The following GALNT1 variants were observed in gnomAD, a reference collection of about 807,000 sequenced individuals.
GALNT1 encodes GalNAc transferase 1.
GALNT1 carries 17 observed loss-of-function variants against 65.7 expected under a neutral mutation model. That is an observed-to-expected ratio of 0.26 (90% confidence interval 0.18 to 0.39). The LOEUF is 0.39. Ranked by LOEUF, GALNT1 falls within the 10% of genes least tolerant of loss-of-function variation. GALNT1 has a pLI of 1.00. For synonymous variants in GALNT1, 210 were observed against 219.7 expected (o/e 0.96, Z 0.39); for missense variants, 460 against 672.8 (o/e 0.68, Z 3.50).
At chr18:35,589,334 C>T (rs374578321) in intron 1 of GALNT1, among the ~76,000 whole-genome samples, 46 of 152,202 alleles carry the variant, frequency 3.0e-4, no homozygotes, top group East Asian at 7.7e-4. Flanking sequence ...TATTATAACC[C>T]GGGGAGTACG....
chr18:35,618,035 C>CTTTTTT (rs35456192), intron 1 of GALNT1, among the ~76,000 whole-genome samples: 1 of 138,758 alleles, frequency 7.2e-6, no homozygotes, highest in Non-Finnish European at 1.6e-5. Flanking sequence ...CTTTGCTGTT[C>CTTTTTT]TTTTTTTTTT....
chr18:35,673,953 A>G (rs941751170), intron 3 of GALNT1, among the ~76,000 whole-genome samples: 2 of 152,200 alleles, frequency 1.3e-5, no homozygotes, highest in African/African-American at 4.8e-5. Flanking sequence ...CACCTAGGCT[A>G]TATGGTATAG....
chr18:35,667,255 C>T (rs2144490165), intron 3 of GALNT1, among the ~76,000 whole-genome samples: 1 of 152,256 alleles, frequency 6.6e-6, no homozygotes, highest in African/African-American at 2.4e-5. Flanking sequence ...TCATGTTGGT[C>T]TTTTACTCTT....
chr18:35,594,370 T>C (rs1026842056), intron 1 of GALNT1, among the ~76,000 whole-genome samples: 2 of 152,096 alleles, frequency 1.3e-5, no homozygotes, highest in African/African-American at 2.4e-5. Flanking sequence ...GATTTCTCTG[T>C]AGAGAGGCAA....
chr18:35,673,872 TA>T (rs2144542536), intron 3 of GALNT1, among the ~76,000 whole-genome samples: 1 of 152,354 alleles, frequency 6.6e-6, no homozygotes, highest in South Asian at 2.1e-4. Context: ...AATAGGTCAT[TA>T]GACAATTTTG....
intron 3 of GALNT1, among the ~76,000 whole-genome samples, chr18:35,665,830 A>G (rs1013587482): frequency 2.6e-5 from 4 of 152,256 alleles, no homozygotes; most frequent in African/African-American, 7.2e-5. Flanking sequence ...CCAAGCATCC[A>G]TTCTCAGGAA....
chr18:35,703,528 A>G lies in GALNT1; in HGVS notation c.1418A>G (p.Asn473Ser). 6.2e-7 allele frequency: 1 copy of G among 1,613,798 alleles called. No individual in the cohort carries two copies. The highest frequency in any genetic ancestry group is 1.3e-5 in the African/African-American group (1 of 75,036). Residue 473 changes from asparagine (N) to serine (S), a missense_variant, in exon 11 of 12, where the codon AAC (asparagine) becomes AGC (serine). Physicochemically the swap from Asn to Ser is conservative, Grantham distance 46 (BLOSUM62 1). Transcript: ENST00000269195. ...TTCCAGGTTTTCTCTTATACTGCCA[A>G]CAAAGAAATTAGAACAGATGACCTT... ...GGNQVFSYTA[N>S]KEIRTDDLCL...
chr18:35,594,806 T>C (rs2046485606), intron 1 of GALNT1, among the ~76,000 whole-genome samples: 1 of 152,100 alleles, frequency 6.6e-6, no homozygotes, highest in South Asian at 2.1e-4. Flanking sequence ...CAGGAGACCA[T>C]GATGGTGGTG....
chr18:35,677,098 A>G (rs964786890), intron 3 of GALNT1, among the ~76,000 whole-genome samples: 3 of 152,160 alleles, frequency 2.0e-5, no homozygotes, highest in Admixed American at 6.5e-5. Context: ...TCATCTGTGA[A>G]ATGTGGCTCC....
chr18:35,687,464 C>A (rs1225934988), intron 6 of GALNT1, among the ~76,000 whole-genome samples: 1 of 152,098 alleles, frequency 6.6e-6, no homozygotes, highest in African/African-American at 2.4e-5. Flanking sequence ...GCAAATGCGT[C>A]AGATCTGTAC....
At chr18:35,699,467 A>G (rs1012280772) in intron 9 of GALNT1, among the ~76,000 whole-genome samples, 2 of 152,202 alleles carry the variant, frequency 1.3e-5, no homozygotes, top group African/African-American at 4.8e-5. Context: ...TCTTTCCAGG[A>G]TAGTCAAGAG....
intron 5 of GALNT1, among the ~76,000 whole-genome samples, chr18:35,684,955 C>CAAA (rs2047844908): frequency 6.6e-6 from 1 of 152,118 alleles, no homozygotes; most frequent in Admixed American, 6.6e-5. Context: ...TAGTATAAAG[C>CAAA]AAGAATGAAA....
intron 1 of GALNT1, among the ~76,000 whole-genome samples, chr18:35,607,118 C>A (rs1598782631): frequency 6.6e-6 from 1 of 152,228 alleles, no homozygotes; most frequent in Non-Finnish European, 1.5e-5. Context: ...ACTCTGCCCT[C>A]TTCCTGAGAA....
At chr18:35,591,167 T>C (rs1428914628) in intron 1 of GALNT1, among the ~76,000 whole-genome samples, 1 of 152,158 alleles carries the variant, frequency 6.6e-6, no homozygotes, top group Non-Finnish European at 1.5e-5. Context: ...TCTGGGGCAT[T>C]TCATTGCATG....
intron 9 of GALNT1, among the ~76,000 whole-genome samples, chr18:35,702,558 G>T (rs1414019241): frequency 2.0e-5 from 3 of 152,020 alleles, no homozygotes; most frequent in African/African-American, 7.2e-5. Context: ...TAATGTTCTT[G>T]TCTTGATTGA....
chr18:35,653,884 T>C (rs2047342293), intron 1 of GALNT1, among the ~76,000 whole-genome samples: 1 of 152,258 alleles, frequency 6.6e-6, no homozygotes, highest in African/African-American at 2.4e-5. Flanking sequence ...TTATGACATA[T>C]ACTTTTCTTT....
intron 1 of GALNT1, among the ~76,000 whole-genome samples, chr18:35,590,706 T>C (rs977824958): frequency 1.2e-4 from 19 of 152,034 alleles, no homozygotes; most frequent in African/African-American, 4.6e-4. Context: ...ATTGAAACTC[T>C]CATTTGTCCA....
At chr18:35,581,124 G>A (rs2143783367), upstream of GALNT1, 1 of 152,208 alleles carries the variant, frequency 6.6e-6, no homozygotes, top group African/African-American at 2.4e-5. Flanking sequence ...CGACCGGGTT[G>A]GGGCGGCCCC....
In GALNT1 at chr18:35,654,700, C is replaced by T. The variant is rs1428595362; in HGVS notation, c.38C>T (p.Thr13Ile). The T allele has an allele frequency of 3.2e-6, 5 of 1,562,324 alleles. No homozygotes were observed. The highest frequency in any genetic ancestry group is 4.3e-6 in the Non-Finnish European group (5 of 1,151,100). Residue 13 changes from threonine (T) to isoleucine (I), a missense_variant, in exon 2 of 12, where the codon ACC (threonine) becomes ATC (isoleucine). Physicochemically the swap from Thr to Ile is moderately conservative, Grantham distance 89. Transcript: ENST00000269195. ...KFAYCKVVLATSLIWVLLDMF... is the reference protein window; with the variant it reads ...KFAYCKVVLAISLIWVLLDMF... ...GCATACTGCAAGGTGGTCCTAGCCACCTCCTTGATTTGGGTACTCTTGGAT... is the reference window on the plus strand; with the variant it reads ...GCATACTGCAAGGTGGTCCTAGCCATCTCCTTGATTTGGGTACTCTTGGAT...
Sources: allele counts gnomAD v4.1 joint callset (sites outside exome capture counted in the v4.1 genomes callset), GRCh38; gene constraint gnomAD v4.1.1; transcripts MANE v1.5; gene names NCBI Gene and HGNC (gene_info 2026-07-23, HGNC 2026-07-21).